SNTG1: variants seen among roughly 807,000 people sequenced by gnomAD.
SNTG1 encodes syntrophin gamma 1.
A neutral mutation model predicts 74.7 loss-of-function variants in SNTG1; 39 were observed. The ratio of observed to expected loss-of-function variants is 0.52; its 90% CI spans 0.40 to 0.68. The LOEUF (loss-of-function observed/expected upper bound fraction) is 0.68, where lower values mean the gene tolerates loss of function less well. Among genes scored for constraint, SNTG1 ranks in the 30% least tolerant of loss-of-function variants. SNTG1 has a pLI of 0.00. For synonymous variants in SNTG1, 254 were observed against 217.1 expected (o/e 1.17, Z -1.49); for missense variants, 685 against 609.5 (o/e 1.12, Z -1.30).
intron 15 of SNTG1, among the ~76,000 whole-genome samples, chr8:50,665,819 A>T (rs1485665708): frequency 6.6e-6 from 1 of 152,164 alleles, no homozygotes; most frequent in Non-Finnish European, 1.5e-5. Flanking sequence ...ATCTTCATAA[A>T]AATAAAGAAG....
At chr8:50,368,086 T>C (rs1325021265) in intron 2 of SNTG1, among the ~76,000 whole-genome samples, 1 of 152,152 alleles carries the variant, frequency 6.6e-6, no homozygotes, top group Non-Finnish European at 1.5e-5. Context: ...GGCTTCACTC[T>C]TCTTAGAAAA....
intron 1 of SNTG1, among the ~76,000 whole-genome samples, chr8:49,989,232 A>G (rs1396453436): frequency 6.6e-6 from 1 of 152,000 alleles, no homozygotes; most frequent in East Asian, 1.9e-4. Flanking sequence ...AAGAGTGAAG[A>G]TTCAAATTAC....
At chr8:50,673,392 C>T (rs1334212866) in intron 15 of SNTG1, among the ~76,000 whole-genome samples, 1 of 152,122 alleles carries the variant, frequency 6.6e-6, no homozygotes, top group Admixed American at 6.6e-5. Flanking sequence ...AGGTCCTTCA[C>T]ATCCCTGTTA....
chr8:50,687,542 G>A (rs6473291), intron 15 of SNTG1, among the ~76,000 whole-genome samples: 144,383 of 152,332 alleles, frequency 0.95, 68,503 homozygotes, highest in East Asian at 1. Flanking sequence ...GAGACAAGGA[G>A]CAACATTATG....
At chr8:50,103,764 G>T (rs1379314370) in intron 1 of SNTG1, among the ~76,000 whole-genome samples, 2 of 152,122 alleles carry the variant, frequency 1.3e-5, no homozygotes, top group East Asian at 1.9e-4. Context: ...AGAGTTTTTA[G>T]CATGAAGAGT....
At chr8:50,385,147 C>A (rs753525808) in intron 2 of SNTG1, among the ~76,000 whole-genome samples, 3 of 152,172 alleles carry the variant, frequency 2.0e-5, no homozygotes, top group Non-Finnish European at 2.9e-5. Context: ...AGATATTCTG[C>A]GTCATATGTT....
intron 4 of SNTG1, among the ~76,000 whole-genome samples, chr8:50,407,555 A>T (rs1294670990): frequency 6.6e-6 from 1 of 152,208 alleles, no homozygotes. Flanking sequence ...CAGGTCTATC[A>T]CATTAGCTGA....
At position 50,187,949 on chromosome 8, in the gene SNTG1, G is replaced by A. The variant is rs1001300861; in HGVS notation, c.-28+15314G>A. The stretch of plus-strand genomic sequence containing the variant: ...TATATCCAAATCAGCCCAGGTGAGT[G>A]GAAGACAGTGTTTTTCAGCACATAC... On this transcript the variant is annotated intron_variant, in intron 2 of 18. Transcript: ENST00000642720. Among the ~76,000 whole-genome samples the A allele has an allele frequency of 2.0e-5, 3 of 152,130 alleles. No homozygotes were observed. In the East Asian group the frequency reaches 5.8e-4, roughly 29 times the overall value.
chr8:50,130,109 T>C (rs186256097), intron 1 of SNTG1, among the ~76,000 whole-genome samples: 1 of 152,270 alleles, frequency 6.6e-6, no homozygotes, highest in East Asian at 1.9e-4. Flanking sequence ...ACTATAAGTT[T>C]AAAACTCTGA....
intron 8 of SNTG1, among the ~76,000 whole-genome samples, chr8:50,464,920 A>ACC (rs2093596426): frequency 6.7e-6 from 1 of 149,768 alleles, no homozygotes; most frequent in South Asian, 2.1e-4. Flanking sequence ...CCAAACTGCA[A>ACC]CCCAAAGACA....
At chr8:50,304,861 G>A (rs1303925181) in intron 2 of SNTG1, among the ~76,000 whole-genome samples, 1 of 152,030 alleles carries the variant, frequency 6.6e-6, no homozygotes, top group Admixed American at 6.6e-5. Context: ...TTCTCTGTTA[G>A]ATTCCTCGAG....
chr8:50,087,346 C>T (rs370020261), intron 1 of SNTG1, among the ~76,000 whole-genome samples: 5 of 152,168 alleles, frequency 3.3e-5, no homozygotes, highest in South Asian at 4.1e-4. Context: ...GCTTTGGTAT[C>T]TCAAATAGAG....
At chr8:50,168,944 A>G (rs2082717646) in intron 1 of SNTG1, among the ~76,000 whole-genome samples, 1 of 152,102 alleles carries the variant, frequency 6.6e-6, no homozygotes, top group Non-Finnish European at 1.5e-5. Context: ...TTACACGTGC[A>G]CTCGTTTTTA....
At chr8:50,147,266 C>T (rs551166135) in intron 1 of SNTG1, among the ~76,000 whole-genome samples, 2 of 152,162 alleles carry the variant, frequency 1.3e-5, no homozygotes, top group Non-Finnish European at 2.9e-5. Context: ...GGAACGCAGA[C>T]TGTGAAAAAT....
chr8:50,430,887 C>G (rs1309479937), intron 4 of SNTG1, among the ~76,000 whole-genome samples: 1 of 152,136 alleles, frequency 6.6e-6, no homozygotes, highest in African/African-American at 2.4e-5. Context: ...ACATGGAATT[C>G]CGAGATGGAA....
chr8:50,434,803 T>C (rs1421683363), intron 4 of SNTG1, among the ~76,000 whole-genome samples: 2 of 152,182 alleles, frequency 1.3e-5, no homozygotes, highest in Non-Finnish European at 2.9e-5. Context: ...CAAAAAGAAC[T>C]ATTAACATTC....
Position 50,414,793 on chromosome 8 carries a change from A to T in SNTG1, c.162+12449A>T, listed in dbSNP as rs114285796. Among the ~76,000 whole-genome samples the T allele has an allele frequency of 3.4e-3, 515 of 151,974 alleles. 2 individuals carry two copies. Among genetic ancestry groups the T allele is most frequent in the African/African-American group, 0.012 (497 of 41,470 alleles). ...TTTGTGGAAAAGCTATCAGATCTGAAGTGTACAGGCCTGGCTTCTAATATC... is the reference window on the plus strand; with the variant it reads ...TTTGTGGAAAAGCTATCAGATCTGATGTGTACAGGCCTGGCTTCTAATATC... On this transcript the variant is annotated intron_variant, in intron 4 of 18. Coordinates refer to ENST00000642720, the MANE Select transcript of SNTG1 (RefSeq NM_018967.5).
intron 1 of SNTG1, among the ~76,000 whole-genome samples, chr8:50,154,942 A>G (rs1245793303): frequency 1.3e-5 from 2 of 152,234 alleles, no homozygotes; most frequent in East Asian, 3.8e-4. Flanking sequence ...GTTAATGGTT[A>G]TGTAATTTGT....
At chr8:50,575,599 T>C (rs980809276) in intron 12 of SNTG1, 2 of 152,344 alleles carry the variant, frequency 1.3e-5, no homozygotes, top group Non-Finnish European at 2.9e-5. Flanking sequence ...GGGTTTAAGG[T>C]TTGGATGACT....
Sources: allele counts gnomAD v4.1 joint callset (sites outside exome capture counted in the v4.1 genomes callset), GRCh38; gene constraint gnomAD v4.1.1; transcripts MANE v1.5; gene names NCBI Gene and HGNC (gene_info 2026-07-23, HGNC 2026-07-21).